The following PCDH9 variants were observed in gnomAD, a reference collection of about 807,000 sequenced individuals.
PCDH9 encodes protocadherin 9.
In PCDH9, 24 loss-of-function variants were observed where a neutral mutation model predicts 70.6. The ratio of observed to expected loss-of-function variants is 0.34; its 90% CI spans 0.25 to 0.48. The LOEUF is 0.48. PCDH9 is among the 20% of genes least tolerant of loss of function. The pLI is 0.99. For missense variants in PCDH9, 1,281 were observed against 1,503.6 expected (o/e 0.85, Z 2.45); for synonymous variants, 562 against 558.5 (o/e 1.01, Z -0.09).
At chr13:66,957,156 T>C (rs1003502695) in intron 2 of PCDH9, among the ~76,000 whole-genome samples, 3 of 152,194 alleles carry the variant, frequency 2.0e-5, no homozygotes, top group African/African-American at 7.2e-5. Context: ...AAATTACATT[T>C]GCACTTTGGC....
chr13:67,079,761 T>C (rs1282384501), intron 2 of PCDH9, among the ~76,000 whole-genome samples: 1 of 152,176 alleles, frequency 6.6e-6, no homozygotes, highest in Admixed American at 6.5e-5. Flanking sequence ...CTTTGAAGTC[T>C]GGAAAGAGAC....
chr13:66,335,107 T>G (rs987892449), intron 4 of PCDH9, among the ~76,000 whole-genome samples: 1 of 152,054 alleles, frequency 6.6e-6, no homozygotes, highest in African/African-American at 2.4e-5. Context: ...CACAGTAGCC[T>G]AAGTCAAAAG....
At chr13:67,113,780 C>T (rs1399600776) in intron 2 of PCDH9, among the ~76,000 whole-genome samples, 1 of 152,088 alleles carries the variant, frequency 6.6e-6, no homozygotes, top group African/African-American at 2.4e-5. Flanking sequence ...AACTTCTGAC[C>T]TCATGATCTG....
chr13:66,378,937 A>G lies in PCDH9; in HGVS notation c.3341-73909T>C, dbSNP rs1423861404. Among the ~76,000 whole-genome samples the G allele has an allele frequency of 2.0e-5, 3 of 152,196 alleles. No individual in the cohort carries two copies. The East Asian group carries it at 5.8e-4, about 29-fold the overall frequency. On this transcript the variant is annotated intron_variant, in intron 4 of 4. Transcript: ENST00000377865. ...AGAAAGATGACACAGTTCACCAAGC[A>G]AGTCACCTTCAAGCTGTCAATATCT...
intron 4 of PCDH9, among the ~76,000 whole-genome samples, chr13:66,402,095 A>G (rs1412905364): frequency 1.3e-5 from 2 of 152,146 alleles, no homozygotes; most frequent in Admixed American, 6.5e-5. Flanking sequence ...TCTGCTTGAA[A>G]ATAAATAAAT....
chr13:67,175,333 AAAT>A (rs1481768509), intron 2 of PCDH9, among the ~76,000 whole-genome samples: 1 of 152,184 alleles, frequency 6.6e-6, no homozygotes, highest in Non-Finnish European at 1.5e-5. Context: ...CACAATCTAA[AAAT>A]AATAACAAAT....
intron 4 of PCDH9, among the ~76,000 whole-genome samples, chr13:66,540,719 A>C (rs1960918519): frequency 6.6e-6 from 1 of 152,210 alleles, no homozygotes; most frequent in East Asian, 1.9e-4. Context: ...TTTTAACTGC[A>C]TTATGCCTTA....
intron 4 of PCDH9, among the ~76,000 whole-genome samples, chr13:66,354,663 A>G (rs1218319877): frequency 6.6e-6 from 1 of 152,128 alleles, no homozygotes; most frequent in Non-Finnish European, 1.5e-5. Flanking sequence ...TAGACTTATA[A>G]AATAATAAAA....
rs150828081 is a variant in PCDH9, at chr13:66,395,840, G to A, written c.3341-90812C>T. ...AAATGCTCTTATAGTATCTTTTTTTGTGCTGTATTCTGATTAGTACTGAAG... is the reference window on the plus strand; with the variant it reads ...AAATGCTCTTATAGTATCTTTTTTTATGCTGTATTCTGATTAGTACTGAAG... On this transcript the variant is annotated intron_variant, in intron 4 of 4. Coordinates refer to ENST00000377865, the MANE Select transcript of PCDH9 (RefSeq NM_203487.3). Among the ~76,000 whole-genome samples, 95 of 152,012 alleles carry A rather than the reference G, an allele frequency of 6.2e-4. 2 individuals carry two copies. In the East Asian group the frequency reaches 0.018, roughly 29 times the overall value.
chr13:67,057,528 T>C (rs1015350618), intron 2 of PCDH9, among the ~76,000 whole-genome samples: 1 of 151,870 alleles, frequency 6.6e-6, no homozygotes, highest in African/African-American at 2.4e-5. Flanking sequence ...CACAAAACAA[T>C]AGCTATAGTA....
At chr13:66,368,392 A>G (rs1956587332) in intron 4 of PCDH9, among the ~76,000 whole-genome samples, 2 of 152,072 alleles carry the variant, frequency 1.3e-5, no homozygotes, top group South Asian at 4.1e-4. Flanking sequence ...TAAAGTAGGT[A>G]TTTGTTAATT....
intron 2 of PCDH9, chr13:67,219,354 A>G (rs1247379915): frequency 6.6e-6 from 1 of 152,034 alleles, no homozygotes; most frequent in East Asian, 1.9e-4. Context: ...GGCAAAAAGC[A>G]TGTGTTCCTT....
intron 2 of PCDH9, among the ~76,000 whole-genome samples, chr13:67,032,250 C>T (rs1250804335): frequency 1.3e-5 from 2 of 152,140 alleles, no homozygotes; most frequent in African/African-American, 4.8e-5. Context: ...CTCAAGCCAT[C>T]TTCCCACCTC....
chr13:66,327,537 A>T (rs1321193753), intron 4 of PCDH9, among the ~76,000 whole-genome samples: 3 of 152,138 alleles, frequency 2.0e-5, no homozygotes, highest in Non-Finnish European at 1.5e-5. Flanking sequence ...TTAACCTAGG[A>T]GTAACAAAAA....
In PCDH9 at chr13:66,893,008, C is replaced by T. The variant is rs149177168; in HGVS notation, c.3138+10496G>A. On this transcript the variant is annotated intron_variant, in intron 3 of 4. Transcript: ENST00000377865. ...ATCTGTTTAATCACATAGGATCATGCGTGACCTAGGCCAGTATTCTCCAAA... is the reference window on the plus strand; with the variant it reads ...ATCTGTTTAATCACATAGGATCATGTGTGACCTAGGCCAGTATTCTCCAAA... Among the ~76,000 whole-genome samples the T allele has an allele frequency of 3.7e-4, 56 of 152,090 alleles. No individual in the cohort carries two copies. The East Asian group carries it at 9.7e-3, about 26-fold the overall frequency.
chr13:66,631,223 A>G lies in PCDH9; in HGVS notation c.3327T>C (p.Ser1109=). The change falls in exon 4 of 5, where the codon TCT becomes TCC. Residue 1109 remains serine (S), a synonymous_variant. Transcript: ENST00000377865. ...AAGGGGACTCACCAGAGTTGGGATC[A>G]GAGTTGCCATCTGCTTCAGTCCTCT... ...PDKRTEADGN[S]DPNSDGPLGP... is the part of the protein sequence containing the mutation. The G allele has an allele frequency of 6.3e-7, 1 of 1,588,092 alleles. No homozygotes were observed. The highest frequency in any genetic ancestry group is 8.6e-7 in the Non-Finnish European group (1 of 1,156,218).
At chr13:66,974,624 T>C (rs894033571) in intron 2 of PCDH9, among the ~76,000 whole-genome samples, 1 of 152,014 alleles carries the variant, frequency 6.6e-6, no homozygotes, top group Non-Finnish European at 1.5e-5. Flanking sequence ...CTTGCGGTAA[T>C]TTATTGGCAA....
chr13:66,345,284 A>T (rs1956195374), intron 4 of PCDH9, among the ~76,000 whole-genome samples: 1 of 152,162 alleles, frequency 6.6e-6, no homozygotes, highest in South Asian at 2.1e-4. Flanking sequence ...GTTGTGCTCC[A>T]GAAAGTGAAT....
chr13:66,540,775 A>G (rs796868148), intron 4 of PCDH9, among the ~76,000 whole-genome samples: 6 of 152,218 alleles, frequency 3.9e-5, no homozygotes, highest in African/African-American at 1.4e-4. Flanking sequence ...ATTTAGTATC[A>G]GTGATAAGCT....
Sources: allele counts gnomAD v4.1 joint callset (sites outside exome capture counted in the v4.1 genomes callset), GRCh38; gene constraint gnomAD v4.1.1; transcripts MANE v1.5; gene names NCBI Gene and HGNC (gene_info 2026-07-23, HGNC 2026-07-21).